The following EFCAB6 variants were observed in gnomAD, a reference collection of about 807,000 sequenced individuals.
The protein encoded by EFCAB6 is EF-hand calcium binding domain 6.
A neutral mutation model predicts 169.8 loss-of-function variants in EFCAB6; 156 were observed. The ratio of observed to expected loss-of-function variants is 0.92; its 90% CI spans 0.81 to 1.05. The LOEUF is 1.05. Ranked by LOEUF, EFCAB6 falls within the 50% of genes least tolerant of loss-of-function variation. The pLI is 0.00. For missense variants in EFCAB6, 1,800 were observed against 1,829.1 expected (o/e 0.98, Z 0.29); for synonymous variants, 698 against 676.4 (o/e 1.03, Z -0.50).
chr22:43,689,349 G>GCACACACACACACACACACACACA (rs3221390), intron 10 of EFCAB6, among the ~76,000 whole-genome samples: 4 of 146,962 alleles, frequency 2.7e-5, no homozygotes, highest in African/African-American at 7.7e-5. Context: ...GAGAGCACGT[G>GCACACACACACACACACACACACA]CACACACACA....
intron 21 of EFCAB6, among the ~76,000 whole-genome samples, chr22:43,612,737 C>CA (rs1287202857): frequency 3.3e-5 from 5 of 151,724 alleles, no homozygotes; most frequent in South Asian, 2.1e-4. Flanking sequence ...ACTAAAAATA[C>CA]AAAAAAATTA....
intron 13 of EFCAB6, among the ~76,000 whole-genome samples, chr22:43,672,807 G>A (rs910094384): frequency 5.9e-5 from 9 of 151,938 alleles, no homozygotes; most frequent in African/African-American, 1.9e-4. Flanking sequence ...GAAATAATCT[G>A]TACAATAAAC....
chr22:43,786,358 GA>G (rs1457852566), intron 2 of EFCAB6, among the ~76,000 whole-genome samples: 1 of 151,900 alleles, frequency 6.6e-6, no homozygotes, highest in Non-Finnish European at 1.5e-5. Flanking sequence ...AAAAATAGAA[GA>G]AAAAACATTT....
At chr22:43,808,649 C>T (rs1229163314) in intron 2 of EFCAB6, among the ~76,000 whole-genome samples, 2 of 150,810 alleles carry the variant, frequency 1.3e-5, no homozygotes, top group Non-Finnish European at 2.9e-5. Flanking sequence ...GAGCATTGGG[C>T]AAAAACAAAA....
At chr22:43,638,385 T>C (rs530331193) in intron 17 of EFCAB6, among the ~76,000 whole-genome samples, 3 of 152,328 alleles carry the variant, frequency 2.0e-5, no homozygotes, top group Admixed American at 1.3e-4. Context: ...TGACAAACTA[T>C]GGTCGGGCAT....
At chr22:43,530,728 G>C in intron 31 of EFCAB6, 87 bp downstream of exon 31, 1 of 1,581,896 alleles carries the variant, frequency 6.3e-7, no homozygotes. Context: ...TTCGGCAGCA[G>C]GTAGAGGGCT....
Position 43,667,289 on chromosome 22 carries a change from G to A in EFCAB6, c.1815-17C>T, listed in dbSNP as rs1299722082. On this transcript the variant is annotated splice_polypyrimidine_tract_variant and intron_variant, in intron 16 of 31. Transcript: ENST00000262726. ...AGCTTGGTTCTAAAATCACAAGCAG[G>A]CATTTAGACCCAGTGTCAACTGACA... The A allele has an allele frequency of 6.2e-7, 1 of 1,611,120 alleles. No homozygotes were observed. Among genetic ancestry groups the A allele is most frequent in the African/African-American group, 1.3e-5 (1 of 74,906 alleles).
At chr22:43,794,821 T>G (rs116425184) in intron 2 of EFCAB6, among the ~76,000 whole-genome samples, 1 of 152,208 alleles carries the variant, frequency 6.6e-6, no homozygotes, top group Admixed American at 6.5e-5. Context: ...CAACCCCTAG[T>G]CTATTGTTCT....
chr22:43,637,308 T>C (rs950487531), intron 17 of EFCAB6, among the ~76,000 whole-genome samples: 1 of 152,218 alleles, frequency 6.6e-6, no homozygotes, highest in South Asian at 2.1e-4. Flanking sequence ...TTCTTGGCAA[T>C]AGGGCACTCC....
At chr22:43,614,755 C>T (rs1411033958) in intron 21 of EFCAB6, among the ~76,000 whole-genome samples, 8 of 152,198 alleles carry the variant, frequency 5.3e-5, no homozygotes, top group Non-Finnish European at 7.3e-5. Context: ...ATGGAGTTCA[C>T]AGCACAGACA....
chr22:43,579,230 G>A (rs950858196), intron 25 of EFCAB6, among the ~76,000 whole-genome samples: 1 of 150,800 alleles, frequency 6.6e-6, no homozygotes, highest in Non-Finnish European at 1.5e-5. Flanking sequence ...CTACATGCAG[G>A]CATCATACCC....
At chr22:43,694,205 G>A (rs918467695) in intron 10 of EFCAB6, among the ~76,000 whole-genome samples, 1 of 151,746 alleles carries the variant, frequency 6.6e-6, no homozygotes, top group Non-Finnish European at 1.5e-5. Context: ...CACAGAAAGA[G>A]AGGAGAGAAA....
chr22:43,594,995 C>T (rs12628183), intron 23 of EFCAB6, among the ~76,000 whole-genome samples: 16,386 of 151,882 alleles, frequency 0.11, 1,206 homozygotes, highest in South Asian at 0.21. Context: ...TGTACAAATA[C>T]GTAGAAATTA....
chr22:43,570,233 G>C (rs1382196446), intron 26 of EFCAB6: 2 of 152,080 alleles, frequency 1.3e-5, no homozygotes, highest in Non-Finnish European at 2.9e-5. Context: ...CTGCTTGCTA[G>C]AATGTGACAA....
intron 21 of EFCAB6, among the ~76,000 whole-genome samples, chr22:43,611,729 C>G (rs2053320599): frequency 6.6e-6 from 1 of 152,086 alleles, no homozygotes; most frequent in Non-Finnish European, 1.5e-5. Flanking sequence ...GCCTGGTAGG[C>G]TGAGGTTACA....
chr22:43,627,381 C>T (rs565287431), intron 19 of EFCAB6, among the ~76,000 whole-genome samples: 85 of 152,322 alleles, frequency 5.6e-4, no homozygotes, highest in African/African-American at 1.9e-3. Context: ...TTACTAGCAA[C>T]GTGACCATGG....
At chr22:43,724,217 C>T (rs1299580893) in intron 8 of EFCAB6, among the ~76,000 whole-genome samples, 1 of 152,144 alleles carries the variant, frequency 6.6e-6, no homozygotes, top group Non-Finnish European at 1.5e-5. Context: ...CAGCCTGTCA[C>T]ACCACCCTAT....
At chr22:43,764,956 T>A (rs2061282030) in intron 5 of EFCAB6, among the ~76,000 whole-genome samples, 1 of 152,144 alleles carries the variant, frequency 6.6e-6, no homozygotes, top group Non-Finnish European at 1.5e-5. Flanking sequence ...TATAAAAACC[T>A]ACAAATTTTA....
intron 30 of EFCAB6, 64 bp from the exon 31 acceptor site, chr22:43,531,028 TCCTCGCCTCGCCCCCG>T: frequency 1.1e-5 from 17 of 1,598,518 alleles, no homozygotes; most frequent in Non-Finnish European, 1.4e-5. Context: ...GGTGGGCTCC[TCCTCGCCTCGCCCCCG>T]CCTCGCCCAG....
Sources: gnomAD v4.1 joint callset for allele counts (sites outside exome capture counted in the v4.1 genomes callset) on GRCh38, gnomAD v4.1.1 for gene constraint, MANE v1.5 for transcripts, NCBI Gene and HGNC (gene_info 2026-07-23, HGNC 2026-07-21) for gene names.